The following FIP1L1 variants were observed in gnomAD, a reference collection of about 807,000 sequenced individuals.
The protein encoded by FIP1L1 is factor interacting with PAPOLA and CPSF1, also known as pre-mRNA 3'-end-processing factor FIP1.
In FIP1L1, 21 loss-of-function variants were observed where a neutral mutation model predicts 84.6. That is an observed-to-expected ratio of 0.25 (90% confidence interval 0.18 to 0.36). The LOEUF is 0.36. FIP1L1 is among the 10% of genes least tolerant of loss of function. FIP1L1 has a pLI of 1.00. For synonymous variants in FIP1L1, 263 were observed against 242.3 expected (o/e 1.09, Z -0.80); for missense variants, 526 against 751.1 (o/e 0.70, Z 3.50).
intron 16 of FIP1L1, among the ~76,000 whole-genome samples, chr4:53,454,469 G>A (rs530635467): frequency 1.3e-5 from 2 of 152,280 alleles, no homozygotes; most frequent in South Asian, 4.1e-4. Context: ...TGAAAATAAT[G>A]TAATGGAATT....
chr4:53,430,957 A>G (rs1432967200), intron 13 of FIP1L1, among the ~76,000 whole-genome samples: 1 of 152,156 alleles, frequency 6.6e-6, no homozygotes, highest in African/African-American at 2.4e-5. Flanking sequence ...AAATATTTGA[A>G]GTTGAGACTC....
Position 53,384,174 on chromosome 4 carries a change from C to T in FIP1L1, c.332+298C>T, listed in dbSNP as rs374265316. On this transcript the variant is annotated intron_variant, in intron 5 of 17. Transcript: ENST00000337488. The stretch of plus-strand genomic sequence containing the variant: ...CTGTAATCCCAGGACTTTGGGAGGC[C>T]GAGGCGGGTGAATCACCTGAGGTCA... Among the ~76,000 whole-genome samples the T allele has an allele frequency of 4.6e-5, 7 of 152,092 alleles. No homozygotes were observed. The South Asian group carries it at 6.3e-4, about 14-fold the overall frequency.
intron 3 of FIP1L1, among the ~76,000 whole-genome samples, chr4:53,382,073 A>G (rs1266612516): frequency 6.6e-6 from 1 of 151,916 alleles, no homozygotes; most frequent in Non-Finnish European, 1.5e-5. Context: ...CCAGCCTGGC[A>G]TTTGCATTCT....
At chr4:53,401,030 G>A (rs1749972454) in intron 10 of FIP1L1, among the ~76,000 whole-genome samples, 1 of 152,120 alleles carries the variant, frequency 6.6e-6, no homozygotes, top group South Asian at 2.1e-4. Context: ...CGGCTTACTA[G>A]CTGTGCTGTC....
intron 12 of FIP1L1, among the ~76,000 whole-genome samples, chr4:53,426,299 A>G (rs1764327317): frequency 6.6e-6 from 1 of 152,098 alleles, no homozygotes; most frequent in Non-Finnish European, 1.5e-5. Context: ...TAGAGATGAG[A>G]CCCAAGTCTA....
chr4:53,422,723 T>TA (rs200204730), intron 11 of FIP1L1, among the ~76,000 whole-genome samples: 77 of 149,072 alleles, frequency 5.2e-4, no homozygotes, highest in East Asian at 1.8e-3. Flanking sequence ...TATATATATA[T>TA]TTTTTTTTTG....
intron 16 of FIP1L1, among the ~76,000 whole-genome samples, chr4:53,457,050 G>T (rs1266802546): frequency 1.3e-5 from 2 of 152,084 alleles, no homozygotes; most frequent in Non-Finnish European, 2.9e-5. Flanking sequence ...ATACTAAAAA[G>T]TTCTGCTTCT....
rs1328073609 is a variant in FIP1L1 at position 53,457,027 on chromosome 4, A to G, written c.1500-1626A>G. On this transcript the variant is annotated intron_variant, in intron 16 of 17. Transcript: ENST00000337488. ...ATTTCCTATGGTGCTAGTTTATTCTACTTGAAGACATGATACTAAAAAGTT... is the reference window on the plus strand; with the variant it reads ...ATTTCCTATGGTGCTAGTTTATTCTGCTTGAAGACATGATACTAAAAAGTT... Among the ~76,000 whole-genome samples, 4 of 152,264 alleles carry G rather than the reference A, an allele frequency of 2.6e-5. No individual in the cohort carries two copies. The East Asian group carries it at 7.7e-4, about 29-fold the overall frequency.
intron 5 of FIP1L1, among the ~76,000 whole-genome samples, chr4:53,388,595 A>G (rs1742435632): frequency 6.6e-6 from 1 of 152,186 alleles, no homozygotes; most frequent in African/African-American, 2.4e-5. Context: ...TCGGCCTCCC[A>G]AAGTGCTGGG....
At chr4:53,378,795 A>G (rs1736159184) in intron 1 of FIP1L1, 1 of 442,124 alleles carries the variant, frequency 2.3e-6, no homozygotes, top group Admixed American at 4.0e-5. Flanking sequence ...TTGTCTTTAG[A>G]ATAGAATAGT....
intron 10 of FIP1L1, among the ~76,000 whole-genome samples, chr4:53,409,305 C>G (rs1178835989): frequency 6.6e-6 from 1 of 152,216 alleles, no homozygotes; most frequent in Non-Finnish European, 1.5e-5. Context: ...GGCTGCAGAA[C>G]AGCGGATTTT....
At chr4:53,435,978 A>T (rs184864126) in intron 13 of FIP1L1, among the ~76,000 whole-genome samples, 1 of 152,338 alleles carries the variant, frequency 6.6e-6, no homozygotes, top group African/African-American at 2.4e-5. Flanking sequence ...ATGGCTTTGA[A>T]ATACAAGTCA....
intron 11 of FIP1L1, among the ~76,000 whole-genome samples, chr4:53,420,322 G>A (rs867656831): frequency 4.1e-4 from 61 of 149,958 alleles, no homozygotes; most frequent in Middle Eastern, 3.5e-3. Flanking sequence ...ATCCCAGCTC[G>A]GGAGGCTGAG....
chr4:53,459,135 TAA>T (rs1721085623), intron 17 of FIP1L1, among the ~76,000 whole-genome samples, 165 bp from the exon 18 acceptor site: 1 of 152,084 alleles, frequency 6.6e-6, no homozygotes, highest in Admixed American at 6.6e-5. Flanking sequence ...AATCCCTGCA[TAA>T]AAGTCACATA....
chr4:53,428,999 C>T (rs1342186979), intron 13 of FIP1L1, among the ~76,000 whole-genome samples: 2 of 152,176 alleles, frequency 1.3e-5, no homozygotes, highest in Non-Finnish European at 2.9e-5. Flanking sequence ...ACTAGAGAGC[C>T]ATGTACTCTC....
At chr4:53,426,243 G>C (rs1473107973) in intron 12 of FIP1L1, among the ~76,000 whole-genome samples, 2 of 152,082 alleles carry the variant, frequency 1.3e-5, no homozygotes, top group East Asian at 3.8e-4. Context: ...AAGTGTATCA[G>C]ATTTTGAAAT....
intron 13 of FIP1L1, among the ~76,000 whole-genome samples, chr4:53,435,010 C>G (rs920424444): frequency 6.6e-5 from 10 of 152,154 alleles, no homozygotes; most frequent in Admixed American, 3.9e-4. Flanking sequence ...TGGTCTTACT[C>G]AACAGATTAC....
intron 9 of FIP1L1, among the ~76,000 whole-genome samples, chr4:53,397,767 A>G (rs1748167626): frequency 6.6e-6 from 1 of 152,204 alleles, no homozygotes; most frequent in Non-Finnish European, 1.5e-5. Context: ...TTGGGTGTTC[A>G]TATGTATTAG....
rs1373947810 is a variant in FIP1L1, at chr4:53,377,707, A to G, written c.-132A>G. The G allele has an allele frequency of 3.9e-6, 3 of 767,412 alleles. No individual in the cohort carries two copies. The highest frequency in any genetic ancestry group is 5.9e-6 in the Non-Finnish European group (3 of 506,792). The allele number at this position is 767,412 out of a possible 1,614,324, so 47.5% of individuals were successfully genotyped here. ...CCGCCGCTGCCGTCGCCTTCCTGGGATTGGAGTCTCGAGCTTTCTTCGTTC... is the reference window on the plus strand; with the variant it reads ...CCGCCGCTGCCGTCGCCTTCCTGGGGTTGGAGTCTCGAGCTTTCTTCGTTC... On this transcript the variant is annotated 5_prime_UTR_variant, in exon 1 of 18. Transcript: ENST00000337488.
Sources: gnomAD v4.1 joint callset for allele counts (sites outside exome capture counted in the v4.1 genomes callset) on GRCh38, gnomAD v4.1.1 for gene constraint, MANE v1.5 for transcripts, NCBI Gene and HGNC (gene_info 2026-07-23, HGNC 2026-07-21) for gene names.